TTC6: variants seen among roughly 807,000 people sequenced by gnomAD.
The protein encoded by TTC6 is tetratricopeptide repeat domain 6.
A neutral mutation model predicts 210.4 loss-of-function variants in TTC6; 172 were observed. The observed-to-expected ratio is 0.82, with a 90% CI of 0.72 to 0.93. The LOEUF is 0.93. TTC6 is among the 40% of genes least tolerant of loss of function. TTC6 has a pLI of 0.00. For missense variants in TTC6, 2,414 were observed against 2,318.1 expected (o/e 1.04, Z -0.85); for synonymous variants, 804 against 819.6 (o/e 0.98, Z 0.32).
At chr14:37,746,102 A>C (rs147224950) in intron 10 of TTC6, among the ~76,000 whole-genome samples, 1 of 152,082 alleles carries the variant, frequency 6.6e-6, no homozygotes, top group Non-Finnish European at 1.5e-5. Flanking sequence ...TTCTGTCTCT[A>C]TTGCTTATTG....
intron 4 of TTC6, 132 bp downstream of exon 6, chr14:37,696,967 T>C (rs778125728): frequency 3.9e-5 from 16 of 411,550 alleles, no homozygotes; most frequent in Non-Finnish European, 5.8e-5. Flanking sequence ...AGTTAAACCT[T>C]CTCACAGGAA....
chr14:37,699,825 G>A (rs188580460), intron 4 of TTC6, among the ~76,000 whole-genome samples: 34 of 152,206 alleles, frequency 2.2e-4, no homozygotes, highest in Admixed American at 2.2e-3. Context: ...TGATATTAGA[G>A]GTAAGATTTG....
intron 4 of TTC6, among the ~76,000 whole-genome samples, chr14:37,698,556 C>T (rs1330783126): frequency 6.6e-6 from 1 of 152,084 alleles, no homozygotes; most frequent in East Asian, 1.9e-4. Context: ...TCCTGGCTTT[C>T]TGGACACCCC....
intron 20 of TTC6, among the ~76,000 whole-genome samples, chr14:37,797,509 A>AT (rs1422981210): frequency 6.6e-6 from 1 of 150,960 alleles, no homozygotes; most frequent in Non-Finnish European, 1.5e-5. Flanking sequence ...GTTCTTACTG[A>AT]TTTTAGGCAT....
chr14:37,627,312 C>A (rs891107482), intron 1 of TTC6, among the ~76,000 whole-genome samples: 48 of 151,662 alleles, frequency 3.2e-4, no homozygotes, highest in African/African-American at 1.2e-3. Flanking sequence ...TGTATTAAAT[C>A]TTTTATTTTT....
rs567500983 is a variant in TTC6, at chr14:37,609,503, C to T, written c.-155+2761C>T. Among the ~76,000 whole-genome samples the T allele has an allele frequency of 3.9e-5, 6 of 152,256 alleles. No homozygotes were observed. In the South Asian group the frequency reaches 8.3e-4, roughly 21 times the overall value. On this transcript the variant is annotated intron_variant, in intron 2 of 2. Transcript: ENST00000556845. The stretch of plus-strand genomic sequence containing the variant: ...TAGCTAGGGGACCTCAGGTGAATTC[C>T]TTAATCTCTTTGTACAATCTCTTAT...
At chr14:37,815,254 G>A (rs12434679) in intron 25 of TTC6, among the ~76,000 whole-genome samples, 57,678 of 151,976 alleles carry the variant, frequency 0.38, 11,671 homozygotes, top group Non-Finnish European at 0.47. Flanking sequence ...ACAAACAAAC[G>A]AGTAATCATA....
At chr14:37,641,326 T>C (rs2095691403) in intron 1 of TTC6, among the ~76,000 whole-genome samples, 2 of 152,198 alleles carry the variant, frequency 1.3e-5, no homozygotes, top group African/African-American at 4.8e-5. Flanking sequence ...TAAAGCAGAA[T>C]AGGTAAATAT....
chr14:37,689,994 C>T (rs1179334078), intron 3 of TTC6, among the ~76,000 whole-genome samples: 1 of 151,944 alleles, frequency 6.6e-6, no homozygotes, highest in Non-Finnish European at 1.5e-5. Context: ...AAAATAATAA[C>T]TATAACAAGT....
At chr14:37,835,904 G>A (rs999114267) in intron 29 of TTC6, among the ~76,000 whole-genome samples, 3 of 151,472 alleles carry the variant, frequency 2.0e-5, no homozygotes, top group African/African-American at 7.3e-5. Flanking sequence ...TCCTTACTCT[G>A]TAAGCTGTTA....
chr14:37,807,756 C>G (rs1403123045), intron 23 of TTC6, among the ~76,000 whole-genome samples: 1 of 152,116 alleles, frequency 6.6e-6, no homozygotes, highest in East Asian at 1.9e-4. Flanking sequence ...GGATTATTAT[C>G]TCACCATCAA....
At chr14:37,774,303 A>C (rs931969010) in intron 14 of TTC6, among the ~76,000 whole-genome samples, 2 of 152,008 alleles carry the variant, frequency 1.3e-5, no homozygotes, top group Admixed American at 1.3e-4. Flanking sequence ...TATGGTCAAT[A>C]GGAGTGGTGA....
intron 10 of TTC6, among the ~76,000 whole-genome samples, chr14:37,739,473 G>A (rs2095911684): frequency 6.6e-6 from 1 of 151,470 alleles, no homozygotes; most frequent in Non-Finnish European, 1.5e-5. Context: ...CTACTCAGGA[G>A]GCTGAGAAGA....
At chr14:37,637,302 T>G (rs1323355088) in intron 1 of TTC6, among the ~76,000 whole-genome samples, 1 of 152,298 alleles carries the variant, frequency 6.6e-6, no homozygotes, top group African/African-American at 2.4e-5. Context: ...AAGGACAAAT[T>G]GAGACATTGG....
intron 1 of TTC6, among the ~76,000 whole-genome samples, chr14:37,670,195 G>T (rs2095755570): frequency 6.6e-6 from 1 of 152,176 alleles, no homozygotes. Flanking sequence ...ATAGGACAAA[G>T]AACTATGTTC....
chr14:37,826,484 A>AG (rs2096172011), intron 28 of TTC6, 137 bp downstream of exon 30: 1 of 812,588 alleles, frequency 1.2e-6, no homozygotes, highest in African/African-American at 1.7e-5. Context: ...TTTTAACCCA[A>AG]GTGATCCCTA....
At chr14:37,682,768 A>T in exon 3 of TTC6, 1 of 1,535,576 alleles carries the variant, frequency 6.5e-7, no homozygotes, top group Non-Finnish European at 8.7e-7. Flanking sequence ...AGCGTGCATA[A>T]GGAACTTTCT....
intron 14 of TTC6, among the ~76,000 whole-genome samples, chr14:37,764,979 TTC>T (rs149780633): frequency 0.016 from 2,376 of 152,040 alleles, 64 homozygotes; most frequent in African/African-American, 0.054. Flanking sequence ...TCCTTCTCAT[TTC>T]TTTTACTGTA....
chr14:37,792,904 A>C (rs2139344905), intron 17 of TTC6, among the ~76,000 whole-genome samples: 1 of 151,836 alleles, frequency 6.6e-6, no homozygotes, highest in Admixed American at 6.6e-5. Flanking sequence ...ATTTTGTTTA[A>C]GTTTTATAAG....
Sources: allele counts gnomAD v4.1 joint callset (sites outside exome capture counted in the v4.1 genomes callset), GRCh38; gene constraint gnomAD v4.1.1; transcripts MANE v1.5; gene names NCBI Gene and HGNC (gene_info 2026-07-23, HGNC 2026-07-21).